The following STXBP5L variants were observed in gnomAD, a reference collection of about 807,000 sequenced individuals.
STXBP5L encodes syntaxin binding protein 5L.
In STXBP5L, 65 loss-of-function variants were observed where a neutral mutation model predicts 144.5. The observed-to-expected ratio is 0.45, with a 90% CI of 0.37 to 0.55. STXBP5L has a LOEUF of 0.55. Among genes scored for constraint, STXBP5L ranks in the 20% least tolerant of loss-of-function variants. The pLI is 0.00. For synonymous variants in STXBP5L, 505 were observed against 469.6 expected, an observed-to-expected ratio of 1.08 and a Z score of -0.97; for missense variants, 1,298 against 1,405.5, an observed-to-expected ratio of 0.92 and a Z score of 1.22.
chr3:121,388,574 C>G (rs1280201976), intron 22 of STXBP5L, among the ~76,000 whole-genome samples: 1 of 152,070 alleles, frequency 6.6e-6, no homozygotes, highest in African/African-American at 2.4e-5. Flanking sequence ...TCCATCAATA[C>G]CTAGTTTATT....
intron 19 of STXBP5L, chr3:121,282,164 G>T: frequency 3.5e-6 from 3 of 867,564 alleles, no homozygotes; most frequent in South Asian, 3.9e-5. Context: ...CTTCATCTTG[G>T]CTGTTCTAGA....
intron 3 of STXBP5L, among the ~76,000 whole-genome samples, chr3:121,022,496 T>C (rs905630615): frequency 6.6e-6 from 1 of 152,180 alleles, no homozygotes; most frequent in African/African-American, 2.4e-5. Flanking sequence ...TTAACATAGA[T>C]GCAAAAATCC....
At chr3:121,389,196 C>T (rs1228301572) in intron 22 of STXBP5L, among the ~76,000 whole-genome samples, 1 of 152,150 alleles carries the variant, frequency 6.6e-6, no homozygotes, top group Non-Finnish European at 1.5e-5. Flanking sequence ...TTATAGTATT[C>T]TCTGCTGGTA....
intron 3 of STXBP5L, among the ~76,000 whole-genome samples, chr3:120,966,085 G>T (rs749896978): frequency 5.3e-5 from 8 of 152,048 alleles, no homozygotes; most frequent in Non-Finnish European, 8.8e-5. Context: ...TTTGAAGCTT[G>T]TGCATGCGTC....
intron 10 of STXBP5L, among the ~76,000 whole-genome samples, 158 bp downstream of exon 10, chr3:121,206,159 G>A (rs530262635): frequency 3.9e-5 from 6 of 152,024 alleles, no homozygotes; most frequent in Non-Finnish European, 8.8e-5. Flanking sequence ...ACATATCTCT[G>A]ATGATTATTA....
intron 20 of STXBP5L, among the ~76,000 whole-genome samples, chr3:121,378,089 T>C (rs929692682): frequency 3.3e-5 from 5 of 151,854 alleles, no homozygotes; most frequent in Non-Finnish European, 7.4e-5. Context: ...AAACACCACA[T>C]GTTCTCATTC....
intron 19 of STXBP5L, among the ~76,000 whole-genome samples, chr3:121,305,097 A>G (rs745624338): frequency 6.2e-4 from 94 of 152,050 alleles, no homozygotes; most frequent in Non-Finnish European, 1.2e-3. Flanking sequence ...GAAAGACAAA[A>G]CTCACCAAAT....
intron 3 of STXBP5L, among the ~76,000 whole-genome samples, chr3:120,995,634 ATT>A (rs551057184): frequency 6.6e-6 from 1 of 150,498 alleles, no homozygotes; most frequent in African/African-American, 2.4e-5. Flanking sequence ...AGTTATCAAC[ATT>A]TTTTTTTACT....
intron 7 of STXBP5L, among the ~76,000 whole-genome samples, chr3:121,131,240 G>A (rs920415760): frequency 6.6e-6 from 1 of 152,098 alleles, no homozygotes; most frequent in African/African-American, 2.4e-5. Flanking sequence ...AAACTTTTGA[G>A]TTAAATCATT....
chr3:120,981,670 A>G (rs1449335410), intron 3 of STXBP5L, among the ~76,000 whole-genome samples: 1 of 152,050 alleles, frequency 6.6e-6, no homozygotes, highest in Non-Finnish European at 1.5e-5. Flanking sequence ...TGAATTCTTT[A>G]TCTTTGAATT....
At chr3:121,106,855 C>T (rs1313292521) in intron 5 of STXBP5L, among the ~76,000 whole-genome samples, 1 of 152,116 alleles carries the variant, frequency 6.6e-6, no homozygotes. Context: ...TTTACATTCC[C>T]ACCAACAGTA....
At chr3:121,293,953 A>G (rs2051546923) in intron 19 of STXBP5L, among the ~76,000 whole-genome samples, 1 of 152,272 alleles carries the variant, frequency 6.6e-6, no homozygotes, top group South Asian at 2.1e-4. Flanking sequence ...AAGGAAGCTG[A>G]CATAGTCATG....
At chr3:121,395,004 TGAA>T (rs2046693563) in intron 22 of STXBP5L, among the ~76,000 whole-genome samples, 1 of 152,098 alleles carries the variant, frequency 6.6e-6, no homozygotes, top group South Asian at 2.1e-4. Flanking sequence ...TTTAGTGGCA[TGAA>T]TTCAGACTTT....
intron 14 of STXBP5L, among the ~76,000 whole-genome samples, chr3:121,245,195 GAGT>G (rs1476205685): frequency 6.6e-6 from 1 of 151,798 alleles, no homozygotes; most frequent in Non-Finnish European, 1.5e-5. Flanking sequence ...GAATGTAAAG[GAGT>G]AGATTTTTTG....
chr3:121,367,325 G>A (rs2045890320), intron 20 of STXBP5L, among the ~76,000 whole-genome samples: 1 of 151,972 alleles, frequency 6.6e-6, no homozygotes, highest in Non-Finnish European at 1.5e-5. Context: ...CGGATCTGGT[G>A]GTAACAATCT....
chr3:121,353,072 G>T (rs573895035), intron 20 of STXBP5L, among the ~76,000 whole-genome samples: 73 of 152,190 alleles, frequency 4.8e-4, no homozygotes, highest in Non-Finnish European at 9.8e-4. Context: ...TGTGGTGCTG[G>T]ATTCGGTTTG....
intron 22 of STXBP5L, among the ~76,000 whole-genome samples, chr3:121,393,641 C>A (rs1404191380): frequency 6.6e-6 from 1 of 151,838 alleles, no homozygotes; most frequent in Non-Finnish European, 1.5e-5. Context: ...GTTTTATTCT[C>A]CTGCATATGG....
chr3:121,052,872 TA>T (rs1281028964), intron 5 of STXBP5L, among the ~76,000 whole-genome samples: 1 of 152,182 alleles, frequency 6.6e-6, no homozygotes, highest in African/African-American at 2.4e-5. Flanking sequence ...AAAATCTCCT[TA>T]AGCTGATAAG....
rs749451627 is a variant in STXBP5L, at chr3:121,318,427, A to T, written c.2111-48A>T. 6.2e-6 allele frequency: 9 copies of T among 1,461,096 alleles called. No homozygotes were observed. In the South Asian group the frequency reaches 1.1e-4, roughly 18 times the overall value. The allele number at this position is 1,461,096 out of a possible 1,614,324, so 90.5% of individuals were successfully genotyped here. A position where few individuals can be genotyped will look rare whatever the true frequency, so the allele number is the denominator to read the frequency against. On this transcript the variant is annotated intron_variant, in intron 19 of 26. Transcript: ENST00000471454. ...AGGAATTAAGAAATAAGAATAACCTACAAAATGCTAGCAAAATTTATCTCA... is the reference window on the plus strand; with the variant it reads ...AGGAATTAAGAAATAAGAATAACCTTCAAAATGCTAGCAAAATTTATCTCA...
Sources: gnomAD v4.1 joint callset for allele counts (sites outside exome capture counted in the v4.1 genomes callset) on GRCh38, gnomAD v4.1.1 for gene constraint, MANE v1.5 for transcripts, NCBI Gene and HGNC (gene_info 2026-07-23, HGNC 2026-07-21) for gene names.